Variants in TIMM50 observed in about 807,000 individuals in gnomAD.
TIMM50 encodes the protein translocase of inner mitochondrial membrane 50.
TIMM50 carries 34 observed loss-of-function variants against 49.6 expected under a neutral mutation model. The observed-to-expected ratio is 0.69, with a 90% CI of 0.52 to 0.91. The LOEUF (loss-of-function observed/expected upper bound fraction) is 0.91. Ranked by LOEUF, TIMM50 falls within the 40% of genes least tolerant of loss-of-function variation. TIMM50 has a pLI of 0.00. For synonymous variants in TIMM50, 199 were observed against 198.4 expected (o/e 1.00, Z -0.03); for missense variants, 458 against 477.8 (o/e 0.96, Z 0.39).
chr19:39,485,803 G>T lies in TIMM50; in HGVS notation c.488G>T (p.Trp163Leu), dbSNP rs2079501435. The change falls in exon 6 of 11, where the codon TGG becomes TTG. Residue 163 changes from tryptophan to leucine, a missense_variant. By Grantham distance (61) the Trp-to-Leu change is moderately conservative. Coordinates refer to ENST00000607714, the MANE Select transcript of TIMM50 (RefSeq NM_001001563.5). ...ACCGGCGTCCTCTTGCATCCTGAGTGGTCGGTGTGTCCCGGGAAACCCAGT... is the reference window on the plus strand; with the variant it reads ...ACCGGCGTCCTCTTGCATCCTGAGTTGTCGGTGTGTCCCGGGAAACCCAGT... ...ELTGVLLHPEWSLATGWRFKK... is the reference protein window; with the variant it reads ...ELTGVLLHPELSLATGWRFKK... 6.2e-7 allele frequency: 1 copy of T among 1,614,040 alleles called. No individual in the cohort carries two copies. Among genetic ancestry groups the T allele is most frequent in the Non-Finnish European group, 8.5e-7 (1 of 1,180,044 alleles).
chr19:39,493,015 A>T lies in TIMM50; in HGVS notation c.*3195A>T, dbSNP rs1279145698. The stretch of plus-strand genomic sequence containing the variant: ...GTGCTAACTGATTAAATATTCTAAG[A>T]TGACCTTCTCTGGTGTGTGTGATGA... On this transcript the variant is annotated 3_prime_UTR_variant, in exon 11 of 11. Coordinates refer to ENST00000607714, the MANE Select transcript of TIMM50 (RefSeq NM_001001563.5). 6.6e-6 allele frequency: 1 copy of T among 151,582 alleles called. No homozygotes were observed. Among genetic ancestry groups the T allele is most frequent in the South Asian group, 2.1e-4 (1 of 4,802 alleles). The allele number at this position is 151,582 out of a possible 1,614,324, so 9.4% of individuals were successfully genotyped here. A position where few individuals can be genotyped will look rare whatever the true frequency, so the allele number is the denominator to read the frequency against.
intron 10 of TIMM50, among the ~76,000 whole-genome samples, chr19:39,489,167 G>A (rs933065489): frequency 1.3e-5 from 2 of 152,020 alleles, no homozygotes. Context: ...GCCCAGAGAA[G>A]TCCCTAGAGA....
At chr19:39,487,874 G>A (rs2079517971) in intron 8 of TIMM50, 187 bp from the exon 9 acceptor site, 1 of 781,814 alleles carries the variant, frequency 1.3e-6, no homozygotes, top group African/African-American at 1.8e-5. Context: ...TTACAGGCGT[G>A]AGCCACCATG....
chr19:39,481,096 T>A, intron 1 of TIMM50, 135 bp downstream of exon 1: 1 of 1,134,110 alleles, frequency 8.8e-7, no homozygotes, highest in Non-Finnish European at 1.2e-6. Context: ...TTTGGGGCCC[T>A]TCCCAACCTC....
At chr19:39,484,357 T>A (rs932851223) in intron 4 of TIMM50, among the ~76,000 whole-genome samples, 1 of 151,780 alleles carries the variant, frequency 6.6e-6, no homozygotes, top group African/African-American at 2.4e-5. Context: ...TGAGCTGTGA[T>A]CCCGCCACTG....
rs1173242254 is a variant in TIMM50 at position 39,490,734 on chromosome 19, G to A, written c.*914G>A. 1.3e-5 allele frequency: 2 copies of A among 151,958 alleles called. No homozygotes were observed. Among genetic ancestry groups the A allele is most frequent in the African/African-American group, 4.8e-5 (2 of 41,404 alleles). The allele number at this position is 151,958 out of a possible 1,614,324, so 9.4% of individuals were successfully genotyped here. A position where few individuals can be genotyped will look rare whatever the true frequency, so the allele number is the denominator to read the frequency against. ...TAAATCTCCCTATTTTAAAATGTTG[G>A]CTCCTAGCGGGGCGCAGTGGCTCAC... On this transcript the variant is annotated 3_prime_UTR_variant, in exon 11 of 11. Coordinates refer to ENST00000607714, the MANE Select transcript of TIMM50 (RefSeq NM_001001563.5).
At chr19:39,481,063 G>A (rs961232788) in intron 1 of TIMM50, 102 bp downstream of exon 1, 6 of 1,375,092 alleles carry the variant, frequency 4.4e-6, no homozygotes, top group Non-Finnish European at 5.7e-6. Flanking sequence ...ACCTCAGGGT[G>A]CTGAATGAAA....
At chr19:39,488,004 T>C in intron 8 of TIMM50, 57 bp from the exon 9 acceptor site, 1 of 1,565,658 alleles carries the variant, frequency 6.4e-7, no homozygotes, top group Non-Finnish European at 8.7e-7. Flanking sequence ...TTTTGGGTCT[T>C]CTTGATGGGG....
In TIMM50 at chr19:39,489,828, G is replaced by A; in HGVS notation, c.*8G>A. On this transcript the variant is annotated 3_prime_UTR_variant, in exon 11 of 11. Coordinates refer to ENST00000607714, the MANE Select transcript of TIMM50 (RefSeq NM_001001563.5). Reference sequence around the variant, plus strand: ...CGCTCCAAACAGCCCTGAACTCTGGGCCTCCTCAAACTCAGTGCCTGGGTC... The same window carrying A: ...CGCTCCAAACAGCCCTGAACTCTGGACCTCCTCAAACTCAGTGCCTGGGTC... 1 of 1,597,590 alleles carries A rather than the reference G, an allele frequency of 6.3e-7. No homozygotes were observed. The highest frequency in any genetic ancestry group is 1.1e-5 in the South Asian group (1 of 87,676).
intron 2 of TIMM50, 77 bp from the exon 3 acceptor site, chr19:39,482,808 C>G (rs1224213583): frequency 1.1e-5 from 17 of 1,592,952 alleles, no homozygotes; most frequent in Non-Finnish European, 1.5e-5. Flanking sequence ...GGAGTCCAGG[C>G]CCCTTATCCC....
chr19:39,483,125 T>C lies in TIMM50; in HGVS notation c.292-10T>C. The C allele has an allele frequency of 6.2e-7, 1 of 1,614,178 alleles. No individual in the cohort carries two copies. Among genetic ancestry groups the C allele is most frequent in the Middle Eastern group, 1.6e-4 (1 of 6,062 alleles). On this transcript the variant is annotated splice_polypyrimidine_tract_variant and intron_variant, in intron 3 of 10. Coordinates refer to ENST00000607714, the MANE Select transcript of TIMM50 (RefSeq NM_001001563.5). ...ATCCTAAACCTTCCATTTTTCTCTC[T>C]ACCTCCCAGATTCCTGATGAGTTCG...
chr19:39,483,621 C>T (rs2079486684), intron 4 of TIMM50: 1 of 158,510 alleles, frequency 6.3e-6, no homozygotes. Flanking sequence ...TCCTGTCACA[C>T]CTGGCTCTTC....
Position 39,489,968 on chromosome 19 carries a change from G to A in TIMM50, c.*148G>A. 1 of 743,724 alleles carries A rather than the reference G, an allele frequency of 1.3e-6. No individual in the cohort carries two copies. Among genetic ancestry groups the A allele is most frequent in the Non-Finnish European group, 2.2e-6 (1 of 451,652 alleles). 46.1% of individuals were successfully genotyped at this position (743,724 alleles called of 1,614,324 possible). A position where few individuals can be genotyped will look rare whatever the true frequency, so the allele number is the denominator to read the frequency against. ...TCTCCAGATGGGGGCATCAGGGTGA[G>A]GTCCGGGACTCTTGGGTCATCGTCC... On this transcript the variant is annotated 3_prime_UTR_variant, in exon 11 of 11. Coordinates refer to ENST00000607714, the MANE Select transcript of TIMM50 (RefSeq NM_001001563.5).
intron 10 of TIMM50, among the ~76,000 whole-genome samples, 200 bp from the exon 11 acceptor site, chr19:39,489,519 G>A (rs73551839): frequency 0.011 from 1,718 of 152,132 alleles, 26 homozygotes; most frequent in African/African-American, 0.04. Flanking sequence ...GCTCTTCCTA[G>A]TGTCTGGGGT....
At chr19:39,483,067 C>G (rs1474312026) in intron 3 of TIMM50, 68 bp from the exon 4 acceptor site, 3 of 1,611,828 alleles carry the variant, frequency 1.9e-6, no homozygotes, top group Admixed American at 1.7e-5. Flanking sequence ...CTGGAGATTC[C>G]TTTTCTGTAT....
chr19:39,488,502 T>G, intron 9 of TIMM50, 37 bp from the exon 10 acceptor site: 1 of 1,595,112 alleles, frequency 6.3e-7, no homozygotes, highest in Non-Finnish European at 8.6e-7. Flanking sequence ...CTCTGGCCTT[T>G]AGAAGCCTGG....
At chr19:39,486,034 A>G in intron 6 of TIMM50, 153 bp from the exon 7 acceptor site, 1 of 1,063,588 alleles carries the variant, frequency 9.4e-7, no homozygotes. Flanking sequence ...CCAGACCCGC[A>G]GTCACAGCCT....
Position 39,491,826 on chromosome 19 carries a change from C to CAAAA in TIMM50, c.*2028_*2031dup, listed in dbSNP as rs35118321. 6.2e-5 allele frequency: 4 copies of CAAAA among 64,058 alleles called. No individual in the cohort carries two copies. Among genetic ancestry groups the CAAAA allele is most frequent in the East Asian group, 5.7e-4 (1 of 1,744 alleles). 4.0% of individuals were successfully genotyped at this position (64,058 alleles called of 1,614,324 possible). A position where few individuals can be genotyped will look rare whatever the true frequency, so the allele number is the denominator to read the frequency against. On this transcript the variant is annotated 3_prime_UTR_variant, in exon 11 of 11. Coordinates refer to ENST00000607714, the MANE Select transcript of TIMM50 (RefSeq NM_001001563.5). ...TGGGCAACAGAGCGAGACCCTGTCT[C>CAAAA]AAAAAAAAAAAAAAAAAAAAAAAAA...
rs756119831 is a variant in TIMM50 at position 39,482,017 on chromosome 19, C to T, written c.243C>T (p.Ser81=). ...TGCTTGGAGCTGGTGGGACTGTGAG[C>T]GTCGTCTATATCTTTGGTGAGGGAC... is the stretch of plus-strand genomic sequence containing the variant. ...AGLLGAGGTV[S]VVYIFGNNPV... The change falls in exon 2 of 11, where the codon AGC becomes AGT. Residue 81 remains serine (S), a synonymous_variant. Transcript: ENST00000607714. 3.1e-6 allele frequency: 5 copies of T among 1,614,044 alleles called. No individual in the cohort carries two copies. The highest frequency in any genetic ancestry group is 4.2e-6 in the Non-Finnish European group (5 of 1,179,960).
Sources: allele counts gnomAD v4.1 joint callset (sites outside exome capture counted in the v4.1 genomes callset), GRCh38; gene constraint gnomAD v4.1.1; transcripts MANE v1.5; gene names NCBI Gene and HGNC (gene_info 2026-07-23, HGNC 2026-07-21).